The following MRPL45 variants were observed in gnomAD, a reference collection of about 807,000 sequenced individuals.
MRPL45 encodes the protein large ribosomal subunit protein mL45.
Under a neutral mutation model 38.1 loss-of-function variants are expected in MRPL45, and 20 were observed. The ratio of observed to expected loss-of-function variants is 0.53; its 90% CI spans 0.37 to 0.76. MRPL45 has a LOEUF of 0.76. MRPL45 is among the 30% of genes least tolerant of loss of function. The probability of loss-of-function intolerance (pLI) is 0.00; values close to 1 mark genes in which losing one functional copy is unlikely to be tolerated. For synonymous variants in MRPL45, 105 were observed against 128.8 expected (o/e 0.82, Z 1.25); for missense variants, 337 against 395.6 (o/e 0.85, Z 1.26).
At chr17:38,315,175 GT>G (rs1471825150) in intron 4 of MRPL45, among the ~76,000 whole-genome samples, 3 of 151,912 alleles carry the variant, frequency 2.0e-5, no homozygotes, top group Admixed American at 6.6e-5. Context: ...CATGTTTTTT[GT>G]TTTTTTCTTG....
chr17:38,311,672 G>A (rs569599697), intron 4 of MRPL45, among the ~76,000 whole-genome samples: 28 of 134,292 alleles, frequency 2.1e-4, no homozygotes, highest in African/African-American at 6.4e-4. Flanking sequence ...GCGACAGAGC[G>A]AGACTCCGTC....
At chr17:38,308,013 T>G (rs559587130) in intron 4 of MRPL45, among the ~76,000 whole-genome samples, 3 of 152,098 alleles carry the variant, frequency 2.0e-5, no homozygotes, top group Admixed American at 1.3e-4. Flanking sequence ...CAAGCGATCC[T>G]CCCATCTCAG....
Position 38,298,670 on chromosome 17 carries a change from G to A in MRPL45, c.244+44G>A, listed in dbSNP as rs773912391. On this transcript the variant is annotated intron_variant, in intron 2 of 7. Coordinates refer to ENST00000613675, the MANE Select transcript of MRPL45 (RefSeq NM_032351.6). ...CCTGACCTGGGATCCTTCTGTCAGA[G>A]ATCTTCTGGAACTTGGGATGACTTG... 8.6e-6 allele frequency: 12 copies of A among 1,390,088 alleles called. No homozygotes were observed. The South Asian group carries it at 1.3e-4, about 16-fold the overall frequency. 86.1% of individuals were successfully genotyped at this position (1,390,088 alleles called of 1,614,324 possible).
chr17:38,307,726 T>G (rs1646742910), intron 4 of MRPL45, among the ~76,000 whole-genome samples: 1 of 152,178 alleles, frequency 6.6e-6, no homozygotes, highest in South Asian at 2.1e-4. Flanking sequence ...ATATCTTAAG[T>G]ACTAGCCGTG....
At chr17:38,298,958 G>C (rs2036964437) in intron 2 of MRPL45, among the ~76,000 whole-genome samples, 1 of 151,146 alleles carries the variant, frequency 6.6e-6, no homozygotes, top group African/African-American at 2.4e-5. Context: ...GCACAATCTG[G>C]GCTCACTGCA....
At chr17:38,320,821 A>G in intron 6 of MRPL45, 54 bp downstream of exon 6, 1 of 1,589,694 alleles carries the variant, frequency 6.3e-7, no homozygotes, top group Non-Finnish European at 8.6e-7. Context: ...GAGCTTGGGC[A>G]CCTCCCTCTG....
intron 3 of MRPL45, among the ~76,000 whole-genome samples, chr17:38,305,870 T>G (rs549829299): frequency 2.0e-5 from 3 of 151,950 alleles, no homozygotes; most frequent in East Asian, 2.0e-4. Flanking sequence ...CTCAAACTCC[T>G]GACCTCAAGT....
At chr17:38,316,133 A>G (rs1014875142) in intron 4 of MRPL45, among the ~76,000 whole-genome samples, 4 of 151,940 alleles carry the variant, frequency 2.6e-5, no homozygotes, top group East Asian at 1.9e-4. Context: ...TGGGACTCCT[A>G]TGATGTGTAT....
intron 4 of MRPL45, among the ~76,000 whole-genome samples, chr17:38,311,764 A>G (rs537486351): frequency 5.9e-4 from 89 of 151,520 alleles, no homozygotes; most frequent in South Asian, 2.3e-3. Context: ...AGAAGTCAAC[A>G]TCTATGAGGA....
At chr17:38,306,907 C>T (rs910683397) in intron 4 of MRPL45, among the ~76,000 whole-genome samples, 2 of 152,158 alleles carry the variant, frequency 1.3e-5, no homozygotes, top group African/African-American at 4.8e-5. Context: ...CCTTTTTCAC[C>T]CTATCTGATC....
chr17:38,306,363 C>T (rs2037054068), intron 3 of MRPL45, among the ~76,000 whole-genome samples, 170 bp from the exon 4 acceptor site: 1 of 147,466 alleles, frequency 6.8e-6, no homozygotes, highest in Non-Finnish European at 1.5e-5. Context: ...GAGCCGAGAT[C>T]ATGCCACTGC....
At chr17:38,317,053 C>T (rs999024181) in intron 4 of MRPL45, among the ~76,000 whole-genome samples, 4 of 152,184 alleles carry the variant, frequency 2.6e-5, no homozygotes, top group Non-Finnish European at 5.9e-5. Flanking sequence ...ACCTTGGCCT[C>T]CCAAAGTGCT....
chr17:38,318,719 C>G lies in MRPL45; in HGVS notation c.494C>G (p.Thr165Ser), dbSNP rs1187384372. ...SDHDRLHTLV[T>S]EHCFPDMTWD... ...CATGACCGGCTTCATACCTTGGTAACTGAACACTGTTTTCCAGTAAGTTCT... is the reference window on the plus strand; with the variant it reads ...CATGACCGGCTTCATACCTTGGTAAGTGAACACTGTTTTCCAGTAAGTTCT... The change falls in exon 5 of 8, where the codon ACT (threonine) becomes AGT (serine). Residue 165 changes from threonine (T) to serine (S), a missense_variant. This residue lies in a region of MRPL45 where 251 missense variants were observed against 269.1 expected (regional missense o/e 0.93). Transcript: ENST00000613675. 6.2e-7 allele frequency: 1 copy of G among 1,609,936 alleles called. No individual in the cohort carries two copies. The highest frequency in any genetic ancestry group is 1.7e-5 in the Admixed American group (1 of 59,940).
intron 5 of MRPL45, among the ~76,000 whole-genome samples, chr17:38,319,747 T>C (rs1167522279): frequency 1.3e-5 from 2 of 151,904 alleles, no homozygotes; most frequent in Non-Finnish European, 2.9e-5. Flanking sequence ...GTAACAGGAG[T>C]GTGAAGCACT....
At chr17:38,314,832 A>C (rs1372071826) in intron 4 of MRPL45, among the ~76,000 whole-genome samples, 2 of 152,208 alleles carry the variant, frequency 1.3e-5, no homozygotes, top group Admixed American at 1.3e-4. Flanking sequence ...GCCTGTCCTC[A>C]ACAGTGGTTT....
At chr17:38,310,130 C>CTTT (rs71135802) in intron 4 of MRPL45, among the ~76,000 whole-genome samples, 44 of 122,218 alleles carry the variant, frequency 3.6e-4, no homozygotes, top group African/African-American at 9.1e-4. Flanking sequence ...TTAGAATTTT[C>CTTT]TTTTTTTTTT....
At chr17:38,321,493 C>T (rs567649281) in intron 6 of MRPL45, among the ~76,000 whole-genome samples, 31 of 151,876 alleles carry the variant, frequency 2.0e-4, no homozygotes, top group Non-Finnish European at 3.2e-4. Flanking sequence ...GAGTTCAAGA[C>T]CAGCCTGGCC....
rs545184093 is a variant in MRPL45, at chr17:38,308,144, T to C, written c.461+1513T>C. The stretch of plus-strand genomic sequence containing the variant: ...TATGCAAGCCAGTCATTTTTTTTTT[T>C]CCCCCTTTTTGAGACGGAGTCTAGC... On this transcript the variant is annotated intron_variant, in intron 4 of 7. Transcript: ENST00000613675. Among the ~76,000 whole-genome samples, 198 of 152,114 alleles carry C rather than the reference T, an allele frequency of 1.3e-3. 1 individual carries two copies. In the Middle Eastern group the frequency reaches 0.017, roughly 13 times the overall value.
In MRPL45 at chr17:38,313,145, C is replaced by T. The variant is rs540406566; in HGVS notation, c.462-5542C>T. Among the ~76,000 whole-genome samples, 527 of 149,758 alleles carry T rather than the reference C, an allele frequency of 3.5e-3. 5 individuals are homozygous for T. Among genetic ancestry groups the T allele is most frequent in the African/African-American group, 0.012 (491 of 40,758 alleles). ...AACTACAGGCGCCTGCCACCACACCCGGCTAATTTTTTGTATTTTTAGTAG... is the reference window on the plus strand; with the variant it reads ...AACTACAGGCGCCTGCCACCACACCTGGCTAATTTTTTGTATTTTTAGTAG... On this transcript the variant is annotated intron_variant, in intron 4 of 7. Transcript: ENST00000613675.
Sources: allele counts gnomAD v4.1 joint callset (sites outside exome capture counted in the v4.1 genomes callset), GRCh38; gene constraint gnomAD v4.1.1; regional missense constraint gnomAD v4.1.1; transcripts MANE v1.5; gene names NCBI Gene and HGNC (gene_info 2026-07-23, HGNC 2026-07-21).